Variants in FER1L6 observed in about 807,000 individuals in gnomAD.
The protein encoded by FER1L6 is fer-1-like protein 6.
In FER1L6, 177 loss-of-function variants were observed where a neutral mutation model predicts 219.2. The observed-to-expected ratio is 0.81, with a 90% CI of 0.71 to 0.91. The LOEUF (loss-of-function observed/expected upper bound fraction) is 0.91. Among genes scored for constraint, FER1L6 ranks in the 40% least tolerant of loss-of-function variants. FER1L6 has a pLI of 0.00. For synonymous variants in FER1L6, 768 were observed against 824.3 expected, an observed-to-expected ratio of 0.93 and a Z score of 1.17; for missense variants, 2,153 against 2,259.9, an observed-to-expected ratio of 0.95 and a Z score of 0.96.
At chr8:124,060,803 G>T (rs1820534134) in intron 24 of FER1L6, 94 bp downstream of exon 24, 1 of 1,364,224 alleles carries the variant, frequency 7.3e-7, no homozygotes, top group Non-Finnish European at 1.0e-6. Flanking sequence ...CTGCGAGAAA[G>T]AATTAATTTA....
intron 20 of FER1L6, among the ~76,000 whole-genome samples, chr8:124,042,010 CTTG>C (rs1819521817): frequency 6.6e-6 from 1 of 152,122 alleles, no homozygotes; most frequent in African/African-American, 2.4e-5. Context: ...TATGTGACTG[CTTG>C]TTGTTGTTGT....
intron 1 of FER1L6, among the ~76,000 whole-genome samples, chr8:123,908,608 T>TA (rs1414478052): frequency 2.6e-4 from 40 of 152,336 alleles, no homozygotes; most frequent in East Asian, 1.9e-4. Flanking sequence ...TCAACAGGTT[T>TA]TTTTTGGTGA....
In FER1L6 at chr8:124,059,546, A is replaced by AC. The variant is rs1280211782; in HGVS notation, c.2875-633dup. Among the ~76,000 whole-genome samples, 4 of 152,084 alleles carry AC rather than the reference A, an allele frequency of 2.6e-5. 1 individual carries two copies. Among genetic ancestry groups the AC allele is most frequent in the Non-Finnish European group, 5.9e-5 (4 of 68,020 alleles). On this transcript the variant is annotated intron_variant, in intron 22 of 40. Transcript: ENST00000522917. ...TGAAAAAGACCCTTTTCTCAGTAGA[A>AC]CTCTGTAAGTCCTTTGTGTGAAATT...
chr8:124,054,719 G>A (rs12541791), intron 22 of FER1L6, among the ~76,000 whole-genome samples: 1,562 of 152,262 alleles, frequency 0.01, 64 homozygotes, highest in Admixed American at 0.074. Flanking sequence ...CACTATGCCC[G>A]GCATGCTCAA....
At chr8:124,004,351 T>A (rs1817565827) in intron 13 of FER1L6, 2 of 152,166 alleles carry the variant, frequency 1.3e-5, no homozygotes, top group African/African-American at 4.8e-5. Context: ...ATATGTATGA[T>A]CTCACTGGAT....
rs148122453 is a variant in FER1L6, at chr8:124,009,778, T to A, written c.1701-816T>A. 2.6e-3 allele frequency among the ~76,000 whole-genome samples: 390 copies of A among 152,056 alleles called. 1 individual carries two copies. The highest frequency in any genetic ancestry group is 8.8e-3 in the African/African-American group (366 of 41,464). On this transcript the variant is annotated intron_variant, in intron 13 of 40. Coordinates refer to ENST00000522917, the MANE Select transcript of FER1L6 (RefSeq NM_001039112.2). The stretch of plus-strand genomic sequence containing the variant: ...GACCCAGCGAGGAGCCATGTTGTTG[T>A]AGTTCCAGGGTCAGGAAGCTGGAGA...
chr8:123,999,700 G>A (rs1316850401), intron 12 of FER1L6, among the ~76,000 whole-genome samples: 1 of 152,110 alleles, frequency 6.6e-6, no homozygotes, highest in Non-Finnish European at 1.5e-5. Context: ...CAAAAGAAAT[G>A]TCATCTGTGG....
chr8:124,022,187 C>T (rs1048879267), intron 17 of FER1L6, among the ~76,000 whole-genome samples: 5 of 152,216 alleles, frequency 3.3e-5, no homozygotes, highest in African/African-American at 1.2e-4. Context: ...TTTACTGCTT[C>T]TGTTTTTCTT....
chr8:123,868,023 G>A lies in FER1L6; in HGVS notation c.-8+15838G>A, dbSNP rs957080098. ...CCCATTTTTATGCCTTGCATCCATG[G>A]AATCATAGAACATGTACTTTTTTGT... is the stretch of plus-strand genomic sequence containing the variant. On this transcript the variant is annotated intron_variant, in intron 1 of 40. Transcript: ENST00000522917. Among the ~76,000 whole-genome samples, 5 of 152,124 alleles carry A rather than the reference G, an allele frequency of 3.3e-5. No individual in the cohort carries two copies. The South Asian group carries it at 6.2e-4, about 19-fold the overall frequency.
chr8:124,063,542 G>A (rs182581156), intron 25 of FER1L6, among the ~76,000 whole-genome samples: 50 of 152,270 alleles, frequency 3.3e-4, no homozygotes, highest in Non-Finnish European at 5.3e-4. Context: ...CCTATCATTC[G>A]TTTTCCCAAT....
chr8:124,062,098 T>G, intron 25 of FER1L6, 66 bp downstream of exon 25: 1 of 1,553,386 alleles, frequency 6.4e-7, no homozygotes, highest in Non-Finnish European at 8.8e-7. Context: ...GAGTGCCTGC[T>G]GTGGGATTGG....
intron 12 of FER1L6, 22 bp from the exon 13 acceptor site, chr8:124,003,145 C>T: frequency 6.2e-7 from 1 of 1,608,316 alleles, no homozygotes. Flanking sequence ...TGACCCCTTT[C>T]CCCTTGCTAC....
At chr8:123,953,192 T>G (rs1369391361) in intron 1 of FER1L6, among the ~76,000 whole-genome samples, 1 of 152,164 alleles carries the variant, frequency 6.6e-6, no homozygotes, top group East Asian at 1.9e-4. Flanking sequence ...CTGGGAGTCA[T>G]GCTGGGTGTG....
At chr8:123,977,123 G>T (rs892464794) in intron 9 of FER1L6, among the ~76,000 whole-genome samples, 4 of 152,166 alleles carry the variant, frequency 2.6e-5, no homozygotes, top group Non-Finnish European at 5.9e-5. Flanking sequence ...TGAGCTCATG[G>T]TCTAACTACA....
At position 123,882,299 on chromosome 8, in the gene FER1L6, C is replaced by T. The variant is rs970767896; in HGVS notation, c.-8+30114C>T. 2.0e-5 allele frequency among the ~76,000 whole-genome samples: 3 copies of T among 152,112 alleles called. No individual in the cohort carries two copies. In the East Asian group the frequency reaches 5.8e-4, roughly 29 times the overall value. On this transcript the variant is annotated intron_variant, in intron 1 of 40. Transcript: ENST00000522917. ...GTAGCGAGCCAAAAGAGCAAACCTACATGAAGCACCTCAGCTGCCTGGCTC... is the reference window on the plus strand; with the variant it reads ...GTAGCGAGCCAAAAGAGCAAACCTATATGAAGCACCTCAGCTGCCTGGCTC...
In FER1L6 at chr8:123,865,846, C is replaced by T. The variant is rs1456097777; in HGVS notation, c.-8+13661C>T. ...GCCTCGCCCTGCTTTGGCTCACGCACGGTGCGCGCACCCACTGGCCTGCGC... is the reference window on the plus strand; with the variant it reads ...GCCTCGCCCTGCTTTGGCTCACGCATGGTGCGCGCACCCACTGGCCTGCGC... On this transcript the variant is annotated intron_variant, in intron 1 of 40. Transcript: ENST00000522917. Among the ~76,000 whole-genome samples, 20 of 151,530 alleles carry T rather than the reference C, an allele frequency of 1.3e-4. No homozygotes were observed. In the South Asian group the frequency reaches 3.5e-3, roughly 27 times the overall value.
At chr8:123,989,525 A>G (rs1816752051) in intron 12 of FER1L6, among the ~76,000 whole-genome samples, 1 of 152,198 alleles carries the variant, frequency 6.6e-6, no homozygotes, top group African/African-American at 2.4e-5. Flanking sequence ...AGCAGTGTAC[A>G]TTGTACCCAG....
At chr8:123,988,919 G>C (rs186186858) in intron 12 of FER1L6, among the ~76,000 whole-genome samples, 19 of 152,240 alleles carry the variant, frequency 1.2e-4, no homozygotes, top group Admixed American at 5.2e-4. Flanking sequence ...TAAAGGAAAG[G>C]CTTTCAGTTT....
chr8:124,118,201 G>T (rs1276371608), intron 39 of FER1L6, among the ~76,000 whole-genome samples: 1 of 152,190 alleles, frequency 6.6e-6, no homozygotes, highest in Non-Finnish European at 1.5e-5. Context: ...TTTTGCGGGG[G>T]TCCTATCTCA....
Sources: allele counts gnomAD v4.1 joint callset (sites outside exome capture counted in the v4.1 genomes callset), GRCh38; gene constraint gnomAD v4.1.1; transcripts MANE v1.5; gene names NCBI Gene and HGNC (gene_info 2026-07-23, HGNC 2026-07-21).